The following EIPR1 variants were observed in gnomAD, a reference collection of about 807,000 sequenced individuals.
EIPR1 encodes the protein EARP complex and GARP complex interacting protein 1.
A neutral mutation model predicts 48.1 loss-of-function variants in EIPR1; 25 were observed. That is an observed-to-expected ratio of 0.52 (90% CI 0.38 to 0.73). EIPR1 has a LOEUF of 0.73. Ranked by LOEUF, EIPR1 falls within the 30% of genes least tolerant of loss-of-function variation. EIPR1 has a pLI of 0.00. For missense variants in EIPR1, 415 were observed against 506.2 expected (o/e 0.82, Z 1.73); for synonymous variants, 204 against 201.9 (o/e 1.01, Z -0.09).
chr2:3,238,197 C>T (rs749832960), intron 4 of EIPR1, among the ~76,000 whole-genome samples: 3 of 152,168 alleles, frequency 2.0e-5, no homozygotes, highest in African/African-American at 4.8e-5. Flanking sequence ...TCATCTGTTC[C>T]GAAAGGCATC....
At chr2:3,274,365 G>A in intron 3 of EIPR1, 4 of 1,550,516 alleles carry the variant, frequency 2.6e-6, no homozygotes, top group Non-Finnish European at 3.5e-6. Context: ...GAACAGTTGG[G>A]CAGCTGACTT....
chr2:3,291,531 T>C (rs1668366062), intron 3 of EIPR1, among the ~76,000 whole-genome samples: 1 of 152,206 alleles, frequency 6.6e-6, no homozygotes, highest in African/African-American at 2.4e-5. Flanking sequence ...AAAAACGTCA[T>C]AATTTAAAAG....
rs555330594 is a variant in EIPR1 at position 3,219,946 on chromosome 2, G to A, written c.417-5698C>T. Among the ~76,000 whole-genome samples, 6 of 152,346 alleles carry A rather than the reference G, an allele frequency of 3.9e-5. No homozygotes were observed. In the South Asian group the frequency reaches 1.0e-3, roughly 26 times the overall value. ...AACTAGGCCGCACAGCAGGAGGTGAGGAGTGGGCAAGTGACATTACAGCCT... is the reference window on the plus strand; with the variant it reads ...AACTAGGCCGCACAGCAGGAGGTGAAGAGTGGGCAAGTGACATTACAGCCT... On this transcript the variant is annotated intron_variant, in intron 4 of 8. Coordinates refer to ENST00000382125, the MANE Select transcript of EIPR1 (RefSeq NM_003310.5).
chr2:3,205,403 C>G (rs1190432469), intron 5 of EIPR1, among the ~76,000 whole-genome samples: 3 of 152,194 alleles, frequency 2.0e-5, no homozygotes, highest in African/African-American at 7.2e-5. Context: ...TGGGAGTCTG[C>G]ATGTGATGGC....
At chr2:3,340,041 A>G (rs996731815) in intron 2 of EIPR1, among the ~76,000 whole-genome samples, 1 of 152,198 alleles carries the variant, frequency 6.6e-6, no homozygotes, top group East Asian at 1.9e-4. Context: ...GCCTTCCGCC[A>G]TGATTGGAAG....
chr2:3,336,810 G>GGAAAA (rs780183467), intron 3 of EIPR1, among the ~76,000 whole-genome samples: 1 of 147,402 alleles, frequency 6.8e-6, no homozygotes, highest in South Asian at 2.2e-4. Context: ...GAAAAGAAAA[G>GGAAAA]GAAAAGAAAA....
chr2:3,292,658 C>T (rs1024278809), intron 3 of EIPR1, among the ~76,000 whole-genome samples: 2 of 152,198 alleles, frequency 1.3e-5, no homozygotes, highest in Admixed American at 6.5e-5. Flanking sequence ...CTGATGCTGA[C>T]GTCTGTGCTG....
intron 4 of EIPR1, among the ~76,000 whole-genome samples, chr2:3,221,926 C>T (rs1169570846): frequency 2.0e-5 from 3 of 152,200 alleles, no homozygotes; most frequent in Non-Finnish European, 2.9e-5. Context: ...ATCCATTTCA[C>T]GTCCTAAGGA....
At chr2:3,336,906 G>GAA (rs1670073519) in intron 3 of EIPR1, among the ~76,000 whole-genome samples, 1 of 74,812 alleles carries the variant, frequency 1.3e-5, no homozygotes, top group Admixed American at 1.3e-4. Flanking sequence ...AGGGAAAAGG[G>GAA]AAGGGAAGGG....
chr2:3,375,212 A>C (rs1364723639), intron 1 of EIPR1, among the ~76,000 whole-genome samples: 2 of 123,804 alleles, frequency 1.6e-5, no homozygotes, highest in South Asian at 5.3e-4. Flanking sequence ...GGGGAACATC[A>C]CACTCTGGGG....
At position 3,334,460 on chromosome 2, in the gene EIPR1, C is replaced by T. The variant is rs141856875; in HGVS notation, c.259+3557G>A. Among the ~76,000 whole-genome samples the T allele has an allele frequency of 2.3e-3, 348 of 152,362 alleles. 1 individual carries two copies. Among genetic ancestry groups the T allele is most frequent in the African/African-American group, 8.1e-3 (337 of 41,576 alleles). On this transcript the variant is annotated intron_variant, in intron 3 of 8. Transcript: ENST00000382125. ...TCTCTAGAATGTTTTCCCTGCCCTG[C>T]GTTATGCACAGCAAGCTTAGGTCTG...
chr2:3,332,710 G>T (rs1481192715), intron 3 of EIPR1, among the ~76,000 whole-genome samples: 2 of 152,198 alleles, frequency 1.3e-5, no homozygotes, highest in Non-Finnish European at 2.9e-5. Flanking sequence ...TTATCAGAAA[G>T]GAGAGTTCAA....
chr2:3,249,401 C>A (rs1666938188), intron 4 of EIPR1, among the ~76,000 whole-genome samples: 2 of 151,902 alleles, frequency 1.3e-5, no homozygotes, highest in Admixed American at 1.3e-4. Context: ...GAAGACATTT[C>A]TCAGAAGCAA....
At chr2:3,238,587 C>A (rs1666491104) in intron 4 of EIPR1, among the ~76,000 whole-genome samples, 1 of 152,364 alleles carries the variant, frequency 6.6e-6, no homozygotes, top group South Asian at 2.1e-4. Flanking sequence ...GGTCTCCCCA[C>A]TGTCAGGAGA....
At chr2:3,234,494 G>A (rs895698097) in intron 4 of EIPR1, among the ~76,000 whole-genome samples, 1 of 152,154 alleles carries the variant, frequency 6.6e-6, no homozygotes, top group Non-Finnish European at 1.5e-5. Context: ...GTGTCACGAC[G>A]CTCCACACTG....
At chr2:3,284,303 C>T (rs1467800299) in intron 3 of EIPR1, among the ~76,000 whole-genome samples, 5 of 108,334 alleles carry the variant, frequency 4.6e-5, no homozygotes, top group Admixed American at 8.3e-5. Context: ...CCCACAGGCA[C>T]AGAAGGCCGT....
chr2:3,368,488 C>T (rs1572490871), intron 1 of EIPR1, among the ~76,000 whole-genome samples: 1 of 149,012 alleles, frequency 6.7e-6, no homozygotes, highest in East Asian at 2.0e-4. Context: ...TGCCGCTGGT[C>T]CATCTTAGTC....
intron 4 of EIPR1, among the ~76,000 whole-genome samples, chr2:3,227,084 T>C (rs1666087994): frequency 6.6e-6 from 1 of 152,130 alleles, no homozygotes. Flanking sequence ...GGCACTGCTG[T>C]AAAGACACCC....
Position 3,189,263 on chromosome 2 carries a change from A to T in EIPR1, c.*71T>A. ...CCTGGAACACGAGTCACCTCCAAAG[A>T]GCTGCGACTGTTTGAGAATCTGCCA... On this transcript the variant is annotated 3_prime_UTR_variant, in exon 9 of 9. Coordinates refer to ENST00000382125, the MANE Select transcript of EIPR1 (RefSeq NM_003310.5). The surrounding 1 kb of genome is among the most constrained non-coding windows in gnomAD (Gnocchi z 4.6). 2.1e-6 allele frequency: 3 copies of T among 1,416,774 alleles called. No homozygotes were observed. The highest frequency in any genetic ancestry group is 2.8e-6 in the Non-Finnish European group (3 of 1,064,414). 87.8% of individuals were successfully genotyped at this position (1,416,774 alleles called of 1,614,324 possible).
Sources: gnomAD v4.1 joint callset for allele counts (sites outside exome capture counted in the v4.1 genomes callset) on GRCh38, gnomAD v4.1.1 for gene constraint, Gnocchi (gnomAD v3.1) non-coding constraint, MANE v1.5 for transcripts, NCBI Gene and HGNC (gene_info 2026-07-23, HGNC 2026-07-21) for gene names.